The following PTPRN2 variants were observed in gnomAD, a reference collection of about 807,000 sequenced individuals.
PTPRN2 encodes receptor-type tyrosine-protein phosphatase N2.
PTPRN2 carries 74 observed loss-of-function variants against 118.8 expected under a neutral mutation model. That is an observed-to-expected ratio of 0.62 (90% CI 0.52 to 0.76). The LOEUF is 0.76. Ranked by LOEUF, PTPRN2 falls within the 30% of genes least tolerant of loss-of-function variation. The pLI is 0.00. For synonymous variants in PTPRN2, 641 were observed against 608.0 expected (o/e 1.05, Z -0.80); for missense variants, 1,481 against 1,394.4 (o/e 1.06, Z -0.99).
intron 2 of PTPRN2, among the ~76,000 whole-genome samples, chr7:158,328,808 ACCCAGGGAT>A (rs1803877690): frequency 7.6e-6 from 1 of 131,294 alleles, no homozygotes; most frequent in Admixed American, 7.7e-5. Flanking sequence ...CCCCCCCGCC[ACCCAGGGAT>A]CCCAGGGAGG....
At chr7:157,862,246 G>T (rs1810296816) in intron 12 of PTPRN2, among the ~76,000 whole-genome samples, 1 of 152,228 alleles carries the variant, frequency 6.6e-6, no homozygotes, top group African/African-American at 2.4e-5. Flanking sequence ...TCCACGGAAG[G>T]TCCCATTCTG....
rs554292787 is a variant in PTPRN2, at chr7:158,455,944, G to A, written c.163+33791C>T. Among the ~76,000 whole-genome samples, 106 of 144,628 alleles carry A rather than the reference G, an allele frequency of 7.3e-4. 6 individuals are homozygous for A. Among genetic ancestry groups the A allele is most frequent in the African/African-American group, 2.5e-3 (94 of 37,496 alleles). 94.9% of individuals were successfully genotyped at this position (144,628 alleles called of 152,430 possible). ...ACGCCATTGGCCATGGCCACCCATC[G>A]CTCTACAAAGAAGATAACGGCATGG... On this transcript the variant is annotated intron_variant, in intron 2 of 22. Transcript: ENST00000389418.
chr7:157,722,814 C>T (rs890233413), intron 12 of PTPRN2, among the ~76,000 whole-genome samples: 7 of 151,592 alleles, frequency 4.6e-5, no homozygotes, highest in Non-Finnish European at 8.8e-5. Flanking sequence ...CAGGGGTGAG[C>T]GAGGCGGTGC....
At chr7:157,828,250 C>G (rs2151154933) in intron 12 of PTPRN2, among the ~76,000 whole-genome samples, 1 of 152,336 alleles carries the variant, frequency 6.6e-6, no homozygotes, top group African/African-American at 2.4e-5. Flanking sequence ...TCCAACCTGT[C>G]CGGATGCCCC....
intron 11 of PTPRN2, among the ~76,000 whole-genome samples, chr7:158,032,966 G>C (rs557299287): frequency 6.6e-6 from 1 of 151,496 alleles, no homozygotes; most frequent in African/African-American, 2.4e-5. Context: ...ACCTCAATGA[G>C]TTGTTTCTTC....
chr7:158,247,241 C>T (rs1485344240), intron 3 of PTPRN2, among the ~76,000 whole-genome samples: 6 of 152,200 alleles, frequency 3.9e-5, no homozygotes, highest in Non-Finnish European at 8.8e-5. Context: ...GGCTCTGAGA[C>T]GCCCCCTGGC....
intron 2 of PTPRN2, among the ~76,000 whole-genome samples, chr7:158,372,313 G>T (rs1200428959): frequency 1.3e-5 from 2 of 150,546 alleles, no homozygotes; most frequent in Non-Finnish European, 3.0e-5. Context: ...CCCCAACGCT[G>T]GTCCCCGGAG....
Position 157,784,284 on chromosome 7 carries a change from GC to G in PTPRN2, c.1789-101348del, listed in dbSNP as rs1230064709. 6.6e-6 allele frequency among the ~76,000 whole-genome samples: 1 copy of G among 152,148 alleles called. No individual in the cohort carries two copies. Among genetic ancestry groups the G allele is most frequent in the African/African-American group, 2.4e-5 (1 of 41,456 alleles). ...TCTCAGGAGGCCAAGTGGGGGGCCT[GC>G]CCCCACCTCTGGGGTCTCAGCATCT... On this transcript the variant is annotated intron_variant, in intron 12 of 22. Coordinates refer to ENST00000389418, the MANE Select transcript of PTPRN2 (RefSeq NM_002847.5). This position sits in a 1 kb window ranked among gnomAD's most constrained non-coding sequence, Gnocchi z 4.6.
chr7:157,625,688 C>T (rs1164681359), intron 14 of PTPRN2, among the ~76,000 whole-genome samples: 2 of 152,060 alleles, frequency 1.3e-5, no homozygotes, highest in Non-Finnish European at 1.5e-5. Context: ...AGAACTTATT[C>T]ATGTAACTAA....
chr7:157,663,783 G>C (rs1179320876), intron 13 of PTPRN2, among the ~76,000 whole-genome samples: 1 of 152,172 alleles, frequency 6.6e-6, no homozygotes, highest in Non-Finnish European at 1.5e-5. Context: ...GGTCCTTTAG[G>C]CTGATTATAG....
At chr7:158,321,867 G>A (rs555914539) in intron 2 of PTPRN2, among the ~76,000 whole-genome samples, 6 of 152,290 alleles carry the variant, frequency 3.9e-5, no homozygotes, top group African/African-American at 1.4e-4. Context: ...AAGCACAGCC[G>A]CTAACGTGTT....
chr7:158,555,809 C>T lies in PTPRN2; in HGVS notation c.112+31749G>A, dbSNP rs1826943680. On this transcript the variant is annotated intron_variant, in intron 1 of 22. Coordinates refer to ENST00000389418, the MANE Select transcript of PTPRN2 (RefSeq NM_002847.5). The surrounding 1 kb of genome is among the most constrained non-coding windows in gnomAD (Gnocchi z 4.7). ...TGGGGCAGACCACAGAGACAGGCTC[C>T]AGCAAGCTCAGGATGATGAAGACAC... 1.3e-5 allele frequency among the ~76,000 whole-genome samples: 2 copies of T among 152,278 alleles called. No homozygotes were observed. The highest frequency in any genetic ancestry group is 1.5e-5 in the Non-Finnish European group (1 of 68,012).
chr7:158,108,555 C>T (rs1029889199), intron 10 of PTPRN2, among the ~76,000 whole-genome samples: 10 of 152,318 alleles, frequency 6.6e-5, no homozygotes, highest in Middle Eastern at 3.4e-3. Context: ...TGTCCATGGA[C>T]ATTTCCTTGA....
chr7:157,605,914 T>G (rs1179404405), intron 15 of PTPRN2, among the ~76,000 whole-genome samples: 1 of 152,182 alleles, frequency 6.6e-6, no homozygotes, highest in African/African-American at 2.4e-5. Flanking sequence ...CTTCAAACCC[T>G]CCCTGGCCTG....
intron 6 of PTPRN2, among the ~76,000 whole-genome samples, chr7:158,150,253 A>C (rs1820834318): frequency 6.6e-6 from 1 of 152,234 alleles, no homozygotes; most frequent in Non-Finnish European, 1.5e-5. Flanking sequence ...TGTATTCATG[A>C]GAGATTTTTA....
intron 11 of PTPRN2, among the ~76,000 whole-genome samples, chr7:158,000,464 A>G (rs1185445411): frequency 1.3e-5 from 2 of 151,896 alleles, no homozygotes; most frequent in Non-Finnish European, 2.9e-5. Context: ...GGTCACCACT[A>G]ACGCCCTGCA....
At chr7:157,683,075 G>C (rs563755520) in intron 12 of PTPRN2, 138 bp from the exon 13 acceptor site, 3 of 726,112 alleles carry the variant, frequency 4.1e-6, no homozygotes, top group African/African-American at 3.5e-5. Flanking sequence ...CACAACGGGA[G>C]GGCCCTGCGG....
In PTPRN2 at chr7:157,671,558, A is replaced by C. The variant is rs1796417805; in HGVS notation, c.2001+11167T>G. ...TGCAACGGAGGGAGCCGGGCAAACAAAGGCTCAGAAGCAGAGGAGCCCAGC... is the reference window on the plus strand; with the variant it reads ...TGCAACGGAGGGAGCCGGGCAAACACAGGCTCAGAAGCAGAGGAGCCCAGC... On this transcript the variant is annotated intron_variant, in intron 13 of 22. Transcript: ENST00000389418. This position sits in a 1 kb window ranked among gnomAD's most constrained non-coding sequence, Gnocchi z 4.1. Among the ~76,000 whole-genome samples, 1 of 152,068 alleles carries C rather than the reference A, an allele frequency of 6.6e-6. No homozygotes were observed. Among genetic ancestry groups the C allele is most frequent in the Non-Finnish European group, 1.5e-5 (1 of 68,012 alleles).
intron 10 of PTPRN2, among the ~76,000 whole-genome samples, chr7:158,085,357 A>G (rs1813251769): frequency 9.0e-6 from 1 of 110,780 alleles, no homozygotes. Context: ...ACGCCCATCC[A>G]CACCCACGAC....
Sources: gnomAD v4.1 joint callset for allele counts (sites outside exome capture counted in the v4.1 genomes callset) on GRCh38, gnomAD v4.1.1 for gene constraint, Gnocchi (gnomAD v3.1) non-coding constraint, MANE v1.5 for transcripts, NCBI Gene and HGNC (gene_info 2026-07-23, HGNC 2026-07-21) for gene names.